Variants in THRB observed in about 807,000 individuals in gnomAD.
THRB encodes nuclear receptor subfamily 1 group A member 2.
A neutral mutation model predicts 47.8 loss-of-function variants in THRB; 12 were observed. The ratio of observed to expected loss-of-function variants is 0.25; its 90% CI spans 0.16 to 0.41. The LOEUF is 0.41. Among genes scored for constraint, THRB ranks in the 10% least tolerant of loss-of-function variants. The probability of loss-of-function intolerance (pLI) is 1.00; values close to 1 mark genes in which losing one functional copy is unlikely to be tolerated. For missense variants in THRB, 348 were observed against 589.2 expected (o/e 0.59, Z 4.24); for synonymous variants, 218 against 212.2 (o/e 1.03, Z -0.24).
chr3:24,269,440 CACTT>C lies in THRB; in HGVS notation c.-43+27782_-43+27785del, dbSNP rs1489814027. ...ACACACACACACACACACACACACACACTTAAGTTATCTTCGCTGTGTTGTCCAG... is the reference window on the plus strand; with the variant it reads ...ACACACACACACACACACACACACACAAGTTATCTTCGCTGTGTTGTCCAG... On this transcript the variant is annotated intron_variant, in intron 3 of 10. Coordinates refer to ENST00000646209, the MANE Select transcript of THRB (RefSeq NM_001354712.2). Among the ~76,000 whole-genome samples, 458 of 135,820 alleles carry C rather than the reference CACTT, an allele frequency of 3.4e-3. 2 individuals carry two copies. Among genetic ancestry groups the C allele is most frequent in the African/African-American group, 0.012 (431 of 35,642 alleles). The allele number at this position is 135,820 out of a possible 152,430, so 89.1% of individuals were successfully genotyped here.
intron 3 of THRB, among the ~76,000 whole-genome samples, chr3:24,256,994 G>GC (rs2051355591): frequency 6.6e-6 from 1 of 152,086 alleles, no homozygotes; most frequent in Non-Finnish European, 1.5e-5. Flanking sequence ...ACTGGCAAAA[G>GC]CCCTTTGCAG....
chr3:24,156,997 A>G (rs1331654096), intron 5 of THRB, among the ~76,000 whole-genome samples: 1 of 152,212 alleles, frequency 6.6e-6, no homozygotes, highest in African/African-American at 2.4e-5. Context: ...CCTGTGATAG[A>G]CACTATATTA....
At chr3:24,158,052 A>C (rs1205047963) in intron 5 of THRB, among the ~76,000 whole-genome samples, 1 of 152,238 alleles carries the variant, frequency 6.6e-6, no homozygotes, top group Non-Finnish European at 1.5e-5. Context: ...TCAAAAGGGC[A>C]CACATTCTGG....
chr3:24,470,314 C>T (rs2074466874), intron 1 of THRB, among the ~76,000 whole-genome samples: 1 of 152,178 alleles, frequency 6.6e-6, no homozygotes, highest in Non-Finnish European at 1.5e-5. Flanking sequence ...TAAGGACTCA[C>T]AGTCAACAAC....
chr3:24,126,479 C>G (rs2032834199), intron 10 of THRB, among the ~76,000 whole-genome samples: 1 of 152,200 alleles, frequency 6.6e-6, no homozygotes, highest in South Asian at 2.1e-4. Flanking sequence ...TCCACATATT[C>G]AGCCATTTAT....
chr3:24,435,960 T>C (rs895075448), intron 1 of THRB, among the ~76,000 whole-genome samples: 1 of 152,174 alleles, frequency 6.6e-6, no homozygotes. Flanking sequence ...TAAATGCTTA[T>C]ACACACAATA....
At chr3:24,138,602 T>G (rs541894091) in intron 8 of THRB, among the ~76,000 whole-genome samples, 57 of 152,306 alleles carry the variant, frequency 3.7e-4, no homozygotes, top group Non-Finnish European at 6.9e-4. Flanking sequence ...GCTGTCTGGT[T>G]CCAATCTCCA....
intron 1 of THRB, among the ~76,000 whole-genome samples, chr3:24,376,234 A>T (rs1362935458): frequency 6.6e-6 from 1 of 152,212 alleles, no homozygotes; most frequent in African/African-American, 2.4e-5. Context: ...ACTAGACAAC[A>T]GTCCACGGCT....
intron 1 of THRB, among the ~76,000 whole-genome samples, chr3:24,462,241 C>T (rs2073772532): frequency 6.6e-6 from 1 of 152,104 alleles, no homozygotes; most frequent in African/African-American, 2.4e-5. Context: ...GAGCCCAAGA[C>T]ACAGGCACCT....
chr3:24,280,130 G>T (rs567603660), intron 3 of THRB, among the ~76,000 whole-genome samples: 3 of 152,174 alleles, frequency 2.0e-5, no homozygotes, highest in East Asian at 1.9e-4. Context: ...AATAGGAACA[G>T]CTCTGGTCTA....
chr3:24,170,831 ACT>A (rs1162639404), intron 5 of THRB, among the ~76,000 whole-genome samples: 2 of 151,558 alleles, frequency 1.3e-5, no homozygotes, highest in African/African-American at 4.9e-5. Flanking sequence ...AAGATGGAGG[ACT>A]CTCTGCACCA....
chr3:24,354,070 T>C (rs1209039886), intron 1 of THRB, among the ~76,000 whole-genome samples: 2 of 152,168 alleles, frequency 1.3e-5, no homozygotes, highest in Non-Finnish European at 2.9e-5. Flanking sequence ...GTTGGTTCCA[T>C]GTCTTTGCTA....
At chr3:24,257,363 C>A (rs558934508) in intron 3 of THRB, among the ~76,000 whole-genome samples, 2 of 151,922 alleles carry the variant, frequency 1.3e-5, no homozygotes, top group Admixed American at 6.6e-5. Flanking sequence ...AGTAGCAAAA[C>A]AAAACAAAAG....
At chr3:24,206,632 A>C (rs563051325) in intron 4 of THRB, among the ~76,000 whole-genome samples, 1 of 152,360 alleles carries the variant, frequency 6.6e-6, no homozygotes, top group South Asian at 2.1e-4. Context: ...AGCTAGCAGA[A>C]GGCAAGAAAT....
At chr3:24,370,980 G>A (rs2064865843) in intron 1 of THRB, among the ~76,000 whole-genome samples, 4 of 152,122 alleles carry the variant, frequency 2.6e-5, no homozygotes, top group Admixed American at 2.6e-4. Context: ...TGTAGAAAAG[G>A]GAAACTATTA....
At chr3:24,449,008 C>A (rs2072380063) in intron 1 of THRB, among the ~76,000 whole-genome samples, 1 of 152,098 alleles carries the variant, frequency 6.6e-6, no homozygotes, top group African/African-American at 2.4e-5. Flanking sequence ...GAAGTCAAAG[C>A]AGGAATGGCT....
At chr3:24,488,062 A>G (rs1225248204) in intron 1 of THRB, among the ~76,000 whole-genome samples, 1 of 152,216 alleles carries the variant, frequency 6.6e-6, no homozygotes, top group Non-Finnish European at 1.5e-5. Flanking sequence ...TACTAACACC[A>G]TGACTATCTT....
intron 6 of THRB, among the ~76,000 whole-genome samples, chr3:24,149,140 C>G (rs2036529130): frequency 6.6e-6 from 1 of 152,146 alleles, no homozygotes; most frequent in Non-Finnish European, 1.5e-5. Context: ...CTCTGCTACC[C>G]TCTGACCAAG....
chr3:24,376,335 G>A (rs1203025555), intron 1 of THRB, among the ~76,000 whole-genome samples: 1 of 152,162 alleles, frequency 6.6e-6, no homozygotes, highest in Admixed American at 6.6e-5. Flanking sequence ...GCAACCTGGG[G>A]AAGTGGAACC....
Sources: allele counts gnomAD v4.1 joint callset (sites outside exome capture counted in the v4.1 genomes callset), GRCh38; gene constraint gnomAD v4.1.1; transcripts MANE v1.5; gene names NCBI Gene and HGNC (gene_info 2026-07-23, HGNC 2026-07-21).